The following PRKD1 variants were observed in gnomAD, a reference collection of about 807,000 sequenced individuals.
The protein encoded by PRKD1 is protein kinase D1.
Under a neutral mutation model 95.9 loss-of-function variants are expected in PRKD1, and 63 were observed. The observed-to-expected ratio is 0.66, with a 90% CI of 0.54 to 0.81. PRKD1 has a LOEUF of 0.81. Among genes scored for constraint, PRKD1 ranks in the 30% least tolerant of loss-of-function variants. PRKD1 has a pLI of 0.00. For synonymous variants in PRKD1, 425 were observed against 423.1 expected, an observed-to-expected ratio of 1.00 and a Z score of -0.05; for missense variants, 1,048 against 1,165.3, an observed-to-expected ratio of 0.90 and a Z score of 1.47.
chr14:29,676,177 G>GGTTTTTTTTTTTTTTTTTTTTTTTTT (rs1555334424), intron 2 of PRKD1, among the ~76,000 whole-genome samples: 1 of 104,762 alleles, frequency 9.5e-6, no homozygotes, highest in Admixed American at 1.0e-4. Flanking sequence ...AGTTCATTAC[G>GGTTTTTTTTTTTTTTTTTTTTTTTTT]TTTTTGTTTT....
intron 2 of PRKD1, among the ~76,000 whole-genome samples, chr14:29,696,896 T>C (rs1040417497): frequency 7.2e-5 from 11 of 152,108 alleles, no homozygotes; most frequent in Non-Finnish European, 1.6e-4. Flanking sequence ...TGGAGGTGAC[T>C]GTATTGAACA....
intron 1 of PRKD1, among the ~76,000 whole-genome samples, chr14:29,826,706 T>TATATAC (rs1555348500): frequency 1.4e-5 from 1 of 72,044 alleles, no homozygotes; most frequent in Non-Finnish European, 2.8e-5. Context: ...TATACATATA[T>TATATAC]ACACATATAT....
At chr14:29,648,767 A>G (rs10130065) in intron 4 of PRKD1, among the ~76,000 whole-genome samples, 5,589 of 151,976 alleles carry the variant, frequency 0.037, 310 homozygotes, top group African/African-American at 0.12. Flanking sequence ...CCATTCTCCT[A>G]CCTCAGCCTC....
intron 3 of PRKD1, among the ~76,000 whole-genome samples, 177 bp from the exon 4 acceptor site, chr14:29,664,036 T>G (rs981101698): frequency 5.3e-5 from 8 of 152,132 alleles, no homozygotes; most frequent in African/African-American, 1.7e-4. Context: ...TGTTAATGGG[T>G]TTTGAATTCT....
chr14:29,619,578 A>G (rs937387493), intron 13 of PRKD1, among the ~76,000 whole-genome samples: 14 of 152,190 alleles, frequency 9.2e-5, no homozygotes, highest in Non-Finnish European at 2.1e-4. Context: ...TGCAACAAAT[A>G]TAATAAATAC....
intron 4 of PRKD1, among the ~76,000 whole-genome samples, chr14:29,652,518 T>C (rs975536612): frequency 2.6e-5 from 4 of 152,328 alleles, no homozygotes; most frequent in African/African-American, 9.6e-5. Context: ...TTAATTTTAC[T>C]GAAGGACACT....
At chr14:29,822,705 A>G (rs189153084) in intron 1 of PRKD1, among the ~76,000 whole-genome samples, 1 of 152,096 alleles carries the variant, frequency 6.6e-6, no homozygotes, top group Admixed American at 6.5e-5. Context: ...ATGTAGATCT[A>G]AGTACAGAAT....
At chr14:29,622,182 G>T (rs1273628816) in intron 13 of PRKD1, among the ~76,000 whole-genome samples, 1 of 152,012 alleles carries the variant, frequency 6.6e-6, no homozygotes, top group Non-Finnish European at 1.5e-5. Flanking sequence ...ACAATCTAAT[G>T]CTGCTGCTGT....
intron 1 of PRKD1, among the ~76,000 whole-genome samples, chr14:29,880,539 G>A (rs896821491): frequency 6.6e-6 from 1 of 152,158 alleles, no homozygotes; most frequent in South Asian, 2.1e-4. Flanking sequence ...GGAAATGTGG[G>A]GTTGAAGCCC....
At chr14:29,898,001 TAA>T (rs1353415224) in intron 1 of PRKD1, among the ~76,000 whole-genome samples, 1 of 152,084 alleles carries the variant, frequency 6.6e-6, no homozygotes, top group Non-Finnish European at 1.5e-5. Context: ...AAATTTAAAA[TAA>T]GTTAAAAATT....
At chr14:29,854,769 C>T (rs113287928) in intron 1 of PRKD1, among the ~76,000 whole-genome samples, 6 of 152,160 alleles carry the variant, frequency 3.9e-5, no homozygotes, top group South Asian at 2.1e-4. Context: ...AAAGTGGTTT[C>T]GTGGGCTGAG....
intron 3 of PRKD1, 37 bp downstream of exon 3, chr14:29,666,040 G>C (rs1882481248): frequency 6.4e-7 from 1 of 1,556,404 alleles, no homozygotes; most frequent in Admixed American, 1.7e-5. Context: ...CAGGAGAACA[G>C]CACACATTTA....
chr14:29,605,811 G>T (rs905028273), intron 13 of PRKD1, among the ~76,000 whole-genome samples: 2 of 152,142 alleles, frequency 1.3e-5, no homozygotes, highest in South Asian at 2.1e-4. Flanking sequence ...TATTCTTTAA[G>T]ATCTCCATGG....
rs78112676 is a variant in PRKD1 at position 29,675,541 on chromosome 14, C to T, written c.404-9333G>A. 1.1e-3 allele frequency among the ~76,000 whole-genome samples: 165 copies of T among 152,284 alleles called. 5 individuals are homozygous for T. In the East Asian group the frequency reaches 0.027, roughly 25 times the overall value. The stretch of plus-strand genomic sequence containing the variant: ...TTTACACTGTTGGTGAGACTGTAAA[C>T]TAGTTCAACCATTGTGGAAGACAGT... On this transcript the variant is annotated intron_variant, in intron 2 of 17. Transcript: ENST00000331968.
In PRKD1 at chr14:29,599,826, GATAA is replaced by G. The variant is rs1439701082; in HGVS notation, c.1906-13_1906-10del. ...CCAGGGTGATGAAGGTTCTATTAAA[GATAA>G]ATAAAGCACTTGAAGAAAATGAGTT... is the stretch of plus-strand genomic sequence containing the variant. On this transcript the variant is annotated splice_polypyrimidine_tract_variant and intron_variant, in intron 13 of 17. Transcript: ENST00000331968. 1.3e-6 allele frequency: 2 copies of G among 1,599,072 alleles called. No homozygotes were observed. The highest frequency in any genetic ancestry group is 1.1e-5 in the South Asian group (1 of 88,108).
chr14:29,647,738 A>G (rs1472109546), intron 4 of PRKD1, among the ~76,000 whole-genome samples: 1 of 152,214 alleles, frequency 6.6e-6, no homozygotes, highest in Non-Finnish European at 1.5e-5. Flanking sequence ...GCCCATAAGG[A>G]TAACTTTATA....
intron 2 of PRKD1, among the ~76,000 whole-genome samples, chr14:29,714,834 C>T (rs1885518504): frequency 6.6e-6 from 1 of 152,130 alleles, no homozygotes; most frequent in Non-Finnish European, 1.5e-5. Flanking sequence ...CAGAAACTAT[C>T]ATTCTCAGCA....
At chr14:29,865,855 A>G (rs1892880014) in intron 1 of PRKD1, among the ~76,000 whole-genome samples, 2 of 152,114 alleles carry the variant, frequency 1.3e-5, no homozygotes, top group African/African-American at 2.4e-5. Context: ...CAGATTACCT[A>G]TAACAACAAA....
chr14:29,606,033 G>C (rs1389523383), intron 13 of PRKD1, among the ~76,000 whole-genome samples: 1 of 151,562 alleles, frequency 6.6e-6, no homozygotes, highest in African/African-American at 2.4e-5. Context: ...TTTTTTTGGA[G>C]ACAGATTCTC....
Sources: gnomAD v4.1 joint callset for allele counts (sites outside exome capture counted in the v4.1 genomes callset) on GRCh38, gnomAD v4.1.1 for gene constraint, MANE v1.5 for transcripts, NCBI Gene and HGNC (gene_info 2026-07-23, HGNC 2026-07-21) for gene names.